Variants in MFAP5 observed in about 807,000 individuals in gnomAD.
MFAP5 encodes microfibril associated protein 5.
In MFAP5, 19 loss-of-function variants were observed where a neutral mutation model predicts 30.1. The observed-to-expected ratio is 0.63, with a 90% CI of 0.44 to 0.93. The LOEUF is 0.93. Ranked by LOEUF, MFAP5 falls within the 40% of genes least tolerant of loss-of-function variation. MFAP5 has a pLI of 0.00. For synonymous variants in MFAP5, 92 were observed against 72.9 expected, an observed-to-expected ratio of 1.26 and a Z score of -1.33; for missense variants, 210 against 221.3, an observed-to-expected ratio of 0.95 and a Z score of 0.32.
chr12:8,654,538 A>G (rs1024948868), intron 5 of MFAP5, 57 bp from the exon 6 acceptor site: 12 of 1,513,854 alleles, frequency 7.9e-6, no homozygotes, highest in African/African-American at 1.4e-5. Flanking sequence ...AACACAAGGC[A>G]GAGTAAGAAA....
chr12:8,658,719 T>G (rs1168482091), intron 3 of MFAP5: 1 of 151,894 alleles, frequency 6.6e-6, no homozygotes, highest in Non-Finnish European at 1.5e-5. Context: ...GGCAGAGTAC[T>G]GCTTTTCTGC....
intron 3 of MFAP5, among the ~76,000 whole-genome samples, chr12:8,656,215 A>T (rs1301420058): frequency 2.0e-5 from 3 of 147,916 alleles, no homozygotes; most frequent in African/African-American, 2.5e-5. Flanking sequence ...CGCCCGCCAC[A>T]GCGCCCGGCT....
At chr12:8,662,165 G>T in intron 1 of MFAP5, 59 bp from the exon 2 acceptor site, 1 of 1,480,058 alleles carries the variant, frequency 6.8e-7, no homozygotes, top group Non-Finnish European at 9.3e-7. Flanking sequence ...CAGCATTTCA[G>T]TGCCAGGGAA....
chr12:8,649,407 C>A, intron 9 of MFAP5, 94 bp downstream of exon 9: 1 of 1,155,878 alleles, frequency 8.7e-7, no homozygotes, highest in South Asian at 1.3e-5. Context: ...TGAAGCCCTC[C>A]TCTAGTACCA....
rs760884841 is a variant in MFAP5 at position 8,648,058 on chromosome 12, A to G, written c.*33T>C. On this transcript the variant is annotated 3_prime_UTR_variant, in exon 10 of 10. Transcript: ENST00000359478. ...AAGGAGATCCTCCTTCCTCTCACCC[A>G]TACATTTTTTCTTCTTTCCTCTTTT... The G allele has an allele frequency of 2.0e-6, 3 of 1,514,714 alleles. No individual in the cohort carries two copies. The highest frequency in any genetic ancestry group is 2.7e-5 in the African/African-American group (2 of 72,856). The allele number at this position is 1,514,714 out of a possible 1,614,324, so 93.8% of individuals were successfully genotyped here.
At position 8,646,083 on chromosome 12, in the gene MFAP5, C is replaced by T. The variant is rs960543057; in HGVS notation, c.*2008G>A. 2.0e-5 allele frequency: 3 copies of T among 152,496 alleles called. No homozygotes were observed. The highest frequency in any genetic ancestry group is 2.9e-5 in the Non-Finnish European group (2 of 68,012). The allele number at this position is 152,496 out of a possible 1,614,324, so 9.4% of individuals were successfully genotyped here. A position where few individuals can be genotyped will look rare whatever the true frequency, so the allele number is the denominator to read the frequency against. On this transcript the variant is annotated 3_prime_UTR_variant, in exon 10 of 10. Coordinates refer to ENST00000359478, the MANE Select transcript of MFAP5 (RefSeq NM_003480.4). ...CAATGTGGAGTAGGAGGGTCAAGTT[C>T]GTGAAGATATTCTTAAAATTAATCT...
rs71447525 is a variant in MFAP5, at chr12:8,647,076, T to C, written c.*1015A>G. 8,387 of 152,288 alleles carry C rather than the reference T, an allele frequency of 0.055. 257 individuals are homozygous for C. Among genetic ancestry groups the C allele is most frequent in the Middle Eastern group, 0.11 (33 of 294 alleles). 9.4% of individuals were successfully genotyped at this position (152,288 alleles called of 1,614,324 possible). A position where few individuals can be genotyped will look rare whatever the true frequency, so the allele number is the denominator to read the frequency against. ...GTGGGTTGTCTGAATATTGTGTTTC[T>C]TTCACTCTTTCGTATTAACTATTAG... On this transcript the variant is annotated 3_prime_UTR_variant, in exon 10 of 10. Coordinates refer to ENST00000359478, the MANE Select transcript of MFAP5 (RefSeq NM_003480.4).
At chr12:8,655,634 G>A in intron 4 of MFAP5, 152 bp downstream of exon 4, 1 of 988,772 alleles carries the variant, frequency 1.0e-6, no homozygotes, top group South Asian at 1.6e-5. Flanking sequence ...TGCGTACAGA[G>A]ATGCTGGCAT....
intron 3 of MFAP5, among the ~76,000 whole-genome samples, chr12:8,658,824 G>T (rs1017487338): frequency 2.0e-5 from 3 of 151,678 alleles, no homozygotes; most frequent in Non-Finnish European, 4.4e-5. Context: ...AAAAATTAAC[G>T]TATTTTCTTT....
intron 2 of MFAP5, among the ~76,000 whole-genome samples, chr12:8,661,680 T>C (rs1483289742): frequency 3.9e-5 from 6 of 151,974 alleles, no homozygotes; most frequent in African/African-American, 1.4e-4. Flanking sequence ...CCAGCCCAGG[T>C]CCAGTTTCTT....
At chr12:8,650,927 G>A (rs74879163) in intron 7 of MFAP5, among the ~76,000 whole-genome samples, 78 of 152,274 alleles carry the variant, frequency 5.1e-4, no homozygotes, top group African/African-American at 1.9e-3. Flanking sequence ...AGCACTTTGC[G>A]GGGACGAGGC....
chr12:8,656,262 G>GTGTTAGCCAGGC (rs774166178), intron 3 of MFAP5, among the ~76,000 whole-genome samples: 1 of 151,138 alleles, frequency 6.6e-6, no homozygotes, highest in South Asian at 2.1e-4. Flanking sequence ...GGGTTTCACC[G>GTGTTAGCCAGGC]TGGTCTCGAT....
At chr12:8,661,923 C>T in intron 2 of MFAP5, 124 bp downstream of exon 2, 2 of 946,532 alleles carry the variant, frequency 2.1e-6, no homozygotes, top group African/African-American at 1.6e-5. Flanking sequence ...AATAGGAATT[C>T]CAGAGCTCAA....
chr12:8,660,893 T>C lies in MFAP5; in HGVS notation c.64A>G (p.Ile22Val), dbSNP rs1207706743. The C allele has an allele frequency of 6.2e-7, 1 of 1,612,486 alleles. No homozygotes were observed. Among genetic ancestry groups the C allele is most frequent in the South Asian group, 1.1e-5 (1 of 91,010 alleles). Residue 22 changes from isoleucine (I) to valine (V), a missense_variant, in exon 3 of 10, where the codon ATA becomes GTA. Coordinates refer to ENST00000359478, the MANE Select transcript of MFAP5 (RefSeq NM_003480.4). ...LAAFIITSDWIPLGVNSQRGD... is the reference protein window; with the variant it reads ...LAAFIITSDWVPLGVNSQRGD... ...CGTTGACTATTGACCCCCAGGGGTATCCAGTCTATAGCAAAGGAAGAGAAA... is the reference window on the plus strand; with the variant it reads ...CGTTGACTATTGACCCCCAGGGGTACCCAGTCTATAGCAAAGGAAGAGAAA...
intron 3 of MFAP5, 69 bp downstream of exon 3, chr12:8,660,794 T>G: frequency 7.1e-7 from 1 of 1,399,582 alleles, no homozygotes; most frequent in Non-Finnish European, 9.9e-7. Flanking sequence ...GGAAGGATTT[T>G]TTAACTCTGT....
rs1483182636 is a variant in MFAP5, at chr12:8,662,786, G to A, written c.-162C>T. 2.0e-5 allele frequency: 3 copies of A among 152,382 alleles called. No individual in the cohort carries two copies. The highest frequency in any genetic ancestry group is 1.3e-4 in the Admixed American group (2 of 15,280). 9.4% of individuals were successfully genotyped at this position (152,382 alleles called of 1,614,324 possible). On this transcript the variant is annotated 5_prime_UTR_variant, in exon 1 of 10. Transcript: ENST00000359478. The stretch of plus-strand genomic sequence containing the variant: ...TCCGCTGAAACAATGAGATGAGGGA[G>A]AGCAAGAAAGCCAGGCTAGGCGTAG...
At position 8,655,461 on chromosome 12, in the gene MFAP5, T is replaced by C. The variant is rs778672181; in HGVS notation, c.140-14A>G. On this transcript the variant is annotated splice_polypyrimidine_tract_variant and intron_variant, in intron 4 of 9. Transcript: ENST00000359478. The stretch of plus-strand genomic sequence containing the variant: ...CATTCACCAGATCTGCAAAGACACA[T>C]AACAAGGAATGAAAAAATGCAGTCA... 1 of 1,603,054 alleles carries C rather than the reference T, an allele frequency of 6.2e-7. No homozygotes were observed. Among genetic ancestry groups the C allele is most frequent in the South Asian group, 1.1e-5 (1 of 88,644 alleles).
At chr12:8,648,402 A>C in intron 9 of MFAP5, 199 bp from the exon 10 acceptor site, 1 of 943,070 alleles carries the variant, frequency 1.1e-6, no homozygotes. Context: ...AAACCTCACT[A>C]TCCCTTTCTG....
intron 6 of MFAP5, among the ~76,000 whole-genome samples, chr12:8,653,258 A>T (rs1158333510): frequency 6.6e-6 from 1 of 151,836 alleles, no homozygotes; most frequent in South Asian, 2.1e-4. Flanking sequence ...CCTCTCCCTT[A>T]TAGCTCACAT....
Sources: gnomAD v4.1 joint callset for allele counts (sites outside exome capture counted in the v4.1 genomes callset) on GRCh38, gnomAD v4.1.1 for gene constraint, MANE v1.5 for transcripts, NCBI Gene and HGNC (gene_info 2026-07-23, HGNC 2026-07-21) for gene names.